Variants in PTPRD observed in about 807,000 individuals in gnomAD.
PTPRD encodes the protein protein tyrosine phosphatase receptor type D.
PTPRD carries 34 observed loss-of-function variants against 214.5 expected under a neutral mutation model. That is an observed-to-expected ratio of 0.16 (90% confidence interval 0.12 to 0.21). The LOEUF is 0.21. Among genes scored for constraint, PTPRD ranks in the 10% least tolerant of loss-of-function variants. The pLI is 1.00. For synonymous variants in PTPRD, 1,128 were observed against 845.7 expected (o/e 1.33, Z -5.79); for missense variants, 2,545 against 2,398.7 (o/e 1.06, Z -1.27).
At chr9:9,755,341 T>C (rs1465721135) in intron 6 of PTPRD, among the ~76,000 whole-genome samples, 3 of 151,946 alleles carry the variant, frequency 2.0e-5, no homozygotes, top group African/African-American at 4.8e-5. Context: ...AGGGTAAAAA[T>C]TGGGAAAAAA....
intron 3 of PTPRD, among the ~76,000 whole-genome samples, chr9:10,280,990 C>T (rs1243043847): frequency 6.6e-6 from 1 of 152,144 alleles, no homozygotes; most frequent in East Asian, 1.9e-4. Context: ...AACCACTGGT[C>T]TAGAAAGAAA....
intron 12 of PTPRD, among the ~76,000 whole-genome samples, chr9:8,704,647 C>T (rs914488206): frequency 2.6e-5 from 4 of 151,790 alleles, no homozygotes; most frequent in African/African-American, 4.8e-5. Flanking sequence ...GTAAAATACC[C>T]GAGGAGCCTA....
At chr9:10,534,526 T>C (rs2057282452) in intron 2 of PTPRD, among the ~76,000 whole-genome samples, 1 of 152,096 alleles carries the variant, frequency 6.6e-6, no homozygotes, top group Non-Finnish European at 1.5e-5. Context: ...GGTATTTTTA[T>C]AGCCCATTAA....
chr9:9,108,191 T>A (rs1420308451), intron 10 of PTPRD, among the ~76,000 whole-genome samples: 1 of 152,178 alleles, frequency 6.6e-6, no homozygotes. Flanking sequence ...TTATTTACGT[T>A]TGTCTGTATG....
intron 4 of PTPRD, among the ~76,000 whole-genome samples, chr9:10,005,742 T>C (rs1359001363): frequency 5.3e-5 from 8 of 152,034 alleles, no homozygotes; most frequent in African/African-American, 1.9e-4. Flanking sequence ...AAAATGAAAA[T>C]ATACATAGTC....
At chr9:8,504,535 A>C in intron 22 of PTPRD, 130 bp from the exon 23 acceptor site, 1 of 1,044,112 alleles carries the variant, frequency 9.6e-7, no homozygotes, top group African/African-American at 1.6e-5. Flanking sequence ...AAAAGAGTCA[A>C]TAGTGAGTAT....
At chr9:10,394,615 G>A (rs1316514636) in intron 2 of PTPRD, among the ~76,000 whole-genome samples, 3 of 151,876 alleles carry the variant, frequency 2.0e-5, no homozygotes, top group African/African-American at 2.4e-5. Context: ...CACTCTTTAA[G>A]TGAGTAACTC....
intron 10 of PTPRD, among the ~76,000 whole-genome samples, chr9:9,021,459 C>G (rs2099569291): frequency 6.6e-6 from 1 of 152,130 alleles, no homozygotes; most frequent in Non-Finnish European, 1.5e-5. Context: ...GGTATTAATA[C>G]TTGATAATCA....
chr9:9,109,231 CTATCTA>C (rs2099802797), intron 10 of PTPRD, among the ~76,000 whole-genome samples: 3 of 152,120 alleles, frequency 2.0e-5, no homozygotes, highest in Non-Finnish European at 2.9e-5. Flanking sequence ...TTGTTATACT[CTATCTA>C]TATCTATGTA....
At chr9:8,516,447 G>T (rs916611131) in intron 21 of PTPRD, among the ~76,000 whole-genome samples, 2 of 152,086 alleles carry the variant, frequency 1.3e-5, no homozygotes, top group African/African-American at 4.8e-5. Context: ...AAAGGCAGGC[G>T]AACTATTAAT....
At chr9:9,587,019 T>C (rs1379523653) in intron 7 of PTPRD, among the ~76,000 whole-genome samples, 2 of 151,962 alleles carry the variant, frequency 1.3e-5, no homozygotes, top group East Asian at 1.9e-4. Flanking sequence ...CAGTCTATCA[T>C]AGCAATGTTG....
intron 12 of PTPRD, among the ~76,000 whole-genome samples, chr9:8,729,702 T>C (rs554522215): frequency 8.5e-5 from 13 of 152,262 alleles, no homozygotes; most frequent in African/African-American, 2.9e-4. Flanking sequence ...ATGACAAAGA[T>C]ATGGGAAACT....
At chr9:9,613,485 T>G (rs1329318675) in intron 7 of PTPRD, among the ~76,000 whole-genome samples, 1 of 152,142 alleles carries the variant, frequency 6.6e-6, no homozygotes, top group African/African-American at 2.4e-5. Flanking sequence ...GCCCTTGTTG[T>G]GAGTTTCTTC....
intron 11 of PTPRD, among the ~76,000 whole-genome samples, chr9:8,939,311 C>T: frequency 6.6e-6 from 1 of 152,090 alleles, no homozygotes; most frequent in East Asian, 1.9e-4. Flanking sequence ...ATACCTAGAA[C>T]ATTTTTAAAG....
chr9:8,653,431 T>C (rs2096851422), intron 12 of PTPRD, among the ~76,000 whole-genome samples: 1 of 152,166 alleles, frequency 6.6e-6, no homozygotes, highest in African/African-American at 2.4e-5. Context: ...ATATAAAGGT[T>C]CTGCCATCCT....
In PTPRD at chr9:9,474,867, T is replaced by C. The variant is rs182864117; in HGVS notation, c.-236-77385A>G. Among the ~76,000 whole-genome samples, 297 of 152,266 alleles carry C rather than the reference T, an allele frequency of 2.0e-3. 6 individuals carry two copies. Among genetic ancestry groups the C allele is most frequent in the Admixed American group, 0.012 (186 of 15,296 alleles). ...ATAGATTTTTACATATGTAAGATTA[T>C]GTGGTTTGCAAAGAGAGGCAATTGG... On this transcript the variant is annotated intron_variant, in intron 8 of 45. Transcript: ENST00000381196.
At chr9:10,094,520 G>GT (rs5896369) in intron 3 of PTPRD, among the ~76,000 whole-genome samples, 59,632 of 137,168 alleles carry the variant, frequency 0.43, 13,773 homozygotes, top group African/African-American at 0.6. Flanking sequence ...CAACAGTATG[G>GT]TTTTTTTTTT....
intron 11 of PTPRD, among the ~76,000 whole-genome samples, chr9:8,876,792 T>C (rs1295948989): frequency 6.6e-6 from 1 of 152,152 alleles, no homozygotes. Flanking sequence ...TGCAAGTAAG[T>C]TTGCAAATGT....
At chr9:8,878,038 C>T (rs931431013) in intron 11 of PTPRD, among the ~76,000 whole-genome samples, 4 of 152,188 alleles carry the variant, frequency 2.6e-5, no homozygotes, top group Admixed American at 6.5e-5. Flanking sequence ...CTCAAGTATA[C>T]ACTTTATATA....
Sources: allele counts gnomAD v4.1 joint callset (sites outside exome capture counted in the v4.1 genomes callset), GRCh38; gene constraint gnomAD v4.1.1; transcripts MANE v1.5; gene names NCBI Gene and HGNC (gene_info 2026-07-23, HGNC 2026-07-21).